The following WDPCP variants were observed in gnomAD, a reference collection of about 807,000 sequenced individuals.
WDPCP encodes the protein WD repeat-containing and planar cell polarity effector protein fritz homolog.
WDPCP carries 71 observed loss-of-function variants against 93.1 expected under a neutral mutation model. The ratio of observed to expected loss-of-function variants is 0.76; its 90% confidence interval spans 0.63 to 0.93. The LOEUF (loss-of-function observed/expected upper bound fraction) is 0.93. Ranked by LOEUF, WDPCP falls within the 40% of genes least tolerant of loss-of-function variation. The pLI is 0.00. For synonymous variants in WDPCP, 315 were observed against 315.0 expected, an observed-to-expected ratio of 1.00 and a Z score of 0.00; for missense variants, 844 against 887.4, an observed-to-expected ratio of 0.95 and a Z score of 0.62.
chr2:63,533,776 A>C (rs1292580905), intron 1 of WDPCP, among the ~76,000 whole-genome samples: 8 of 152,230 alleles, frequency 5.3e-5, no homozygotes, highest in African/African-American at 1.4e-4. Context: ...TAAAATCGAC[A>C]CCCTAACATC....
intron 14 of WDPCP, among the ~76,000 whole-genome samples, chr2:63,196,202 A>G (rs917080017): frequency 3.9e-5 from 6 of 152,242 alleles, no homozygotes; most frequent in Non-Finnish European, 7.3e-5. Context: ...GCCAAGAAGC[A>G]GAGAAAAGTC....
intron 1 of WDPCP, among the ~76,000 whole-genome samples, chr2:63,499,553 G>C (rs988691702): frequency 6.6e-6 from 1 of 152,164 alleles, no homozygotes; most frequent in Non-Finnish European, 1.5e-5. Flanking sequence ...TGACCTGTTA[G>C]AAAGGTATTA....
At chr2:63,459,644 G>A (rs1698871685) in intron 6 of WDPCP, among the ~76,000 whole-genome samples, 1 of 152,146 alleles carries the variant, frequency 6.6e-6, no homozygotes, top group Admixed American at 6.5e-5. Flanking sequence ...GGCCTGGCAT[G>A]GTGGCTCACG....
chr2:63,823,279 G>A lies in WDPCP; in HGVS notation n.222+4343C>T, dbSNP rs1398015341. On this transcript the variant is annotated intron_variant and non_coding_transcript_variant, in intron 1 of 4. Transcript: ENST00000467687. Reference sequence around the variant, plus strand: ...TCCCAGCACTTTGGGAGGCCAAGGTGGACAGATCATGAGATCAGGAGTTCA... The same window carrying A: ...TCCCAGCACTTTGGGAGGCCAAGGTAGACAGATCATGAGATCAGGAGTTCA... Among the ~76,000 whole-genome samples, 3 of 151,558 alleles carry A rather than the reference G, an allele frequency of 2.0e-5. No individual in the cohort carries two copies. In the East Asian group the frequency reaches 5.8e-4, roughly 29 times the overall value.
intron 14 of WDPCP, among the ~76,000 whole-genome samples, chr2:63,180,552 A>T (rs1434820753): frequency 6.6e-6 from 1 of 152,166 alleles, no homozygotes; most frequent in African/African-American, 2.4e-5. Flanking sequence ...TCCATTGCAC[A>T]TATATACTAC....
chr2:63,719,237 C>A (rs1413834130), intron 2 of WDPCP, among the ~76,000 whole-genome samples: 1 of 152,130 alleles, frequency 6.6e-6, no homozygotes, highest in African/African-American at 2.4e-5. Flanking sequence ...CCAGAGAGAA[C>A]TGGAAATGTG....
chr2:63,307,790 A>C (rs1317145414), intron 13 of WDPCP, among the ~76,000 whole-genome samples: 1 of 152,234 alleles, frequency 6.6e-6, no homozygotes, highest in African/African-American at 2.4e-5. Flanking sequence ...AAACCTAGGC[A>C]ATACCATTCA....
chr2:63,660,049 A>C (rs1477267020), intron 2 of WDPCP, among the ~76,000 whole-genome samples: 1 of 152,218 alleles, frequency 6.6e-6, no homozygotes, highest in Non-Finnish European at 1.5e-5. Flanking sequence ...AAGATCCACT[A>C]AAGTATTTTT....
chr2:63,602,840 A>G (rs1228786382), intron 3 of WDPCP, among the ~76,000 whole-genome samples: 1 of 151,850 alleles, frequency 6.6e-6, no homozygotes, highest in East Asian at 1.9e-4. Context: ...AGATCCATCC[A>G]GGTTGTTGTT....
At chr2:63,681,308 C>G (rs1323942952) in intron 2 of WDPCP, among the ~76,000 whole-genome samples, 1 of 152,088 alleles carries the variant, frequency 6.6e-6, no homozygotes, top group African/African-American at 2.4e-5. Context: ...AGAGGGGAGC[C>G]CACTGCTCCG....
At chr2:63,668,651 G>C (rs946103469) in intron 2 of WDPCP, among the ~76,000 whole-genome samples, 2 of 152,164 alleles carry the variant, frequency 1.3e-5, no homozygotes, top group Non-Finnish European at 2.9e-5. Context: ...AATGGGGTGA[G>C]AATAGGATGG....
At chr2:63,533,707 G>A (rs1297017240) in intron 1 of WDPCP, among the ~76,000 whole-genome samples, 1 of 152,214 alleles carries the variant, frequency 6.6e-6, no homozygotes. Flanking sequence ...CACATTTAAA[G>A]CAGTGTGTAG....
chr2:63,773,100 T>C lies in WDPCP; in HGVS notation n.308+40522A>G, dbSNP rs1029337658. 1.2e-4 allele frequency among the ~76,000 whole-genome samples: 19 copies of C among 152,062 alleles called. 1 individual carries two copies. Among genetic ancestry groups the C allele is most frequent in the African/African-American group, 3.6e-4 (15 of 41,432 alleles). ...TTCTTTATATAATTTCACTCCTATA[T>C]ATATATCCAATAAAATATGTACATA... is the stretch of plus-strand genomic sequence containing the variant. On this transcript the variant is annotated intron_variant and non_coding_transcript_variant, in intron 2 of 4. Coordinates refer to the WDPCP transcript ENST00000467687.
At chr2:63,519,108 T>C (rs1196653206) in intron 1 of WDPCP, 5 of 146,908 alleles carry the variant, frequency 3.4e-5, no homozygotes, top group African/African-American at 7.6e-5. Flanking sequence ...AGGAAACCAG[T>C]TGCCCCAGCC....
intron 15 of WDPCP, among the ~76,000 whole-genome samples, chr2:63,162,610 C>A (rs1432256578): frequency 6.6e-6 from 1 of 152,074 alleles, no homozygotes; most frequent in Non-Finnish European, 1.5e-5. Context: ...AAGTAGTTAA[C>A]TTATTATTAA....
chr2:63,472,150 T>A (rs984744758), intron 6 of WDPCP, among the ~76,000 whole-genome samples: 1 of 152,080 alleles, frequency 6.6e-6, no homozygotes, highest in Non-Finnish European at 1.5e-5. Flanking sequence ...ATCTTTTGTA[T>A]GTATCTTGCT....
intron 13 of WDPCP, among the ~76,000 whole-genome samples, chr2:63,261,773 A>T (rs1049638859): frequency 3.9e-5 from 6 of 152,138 alleles, no homozygotes; most frequent in Non-Finnish European, 4.4e-5. Context: ...TTGGCTCACA[A>T]ATCTCTAATA....
chr2:63,244,035 C>A (rs2104662134), intron 14 of WDPCP, among the ~76,000 whole-genome samples: 1 of 152,162 alleles, frequency 6.6e-6, no homozygotes, highest in African/African-American at 2.4e-5. Flanking sequence ...CCAAACGACA[C>A]TCTTAGACCA....
At chr2:63,177,432 G>A (rs770065116) in intron 14 of WDPCP, among the ~76,000 whole-genome samples, 1 of 152,070 alleles carries the variant, frequency 6.6e-6, no homozygotes, top group Non-Finnish European at 1.5e-5. Context: ...GTGTTTTCTA[G>A]TTTTAAGTCT....
Sources: allele counts gnomAD v4.1 joint callset (sites outside exome capture counted in the v4.1 genomes callset), GRCh38; gene constraint gnomAD v4.1.1; transcripts MANE v1.5; gene names NCBI Gene and HGNC (gene_info 2026-07-23, HGNC 2026-07-21).